Variants in KARS1 observed in about 807,000 individuals in gnomAD.
The protein encoded by KARS1 is lysine--tRNA ligase.
In KARS1, 50 loss-of-function variants were observed where a neutral mutation model predicts 63.9. That is an observed-to-expected ratio of 0.78 (90% confidence interval 0.62 to 0.99). The LOEUF (loss-of-function observed/expected upper bound fraction) is 0.99. KARS1 is among the 50% of genes least tolerant of loss of function. The pLI, the probability that KARS1 is intolerant of heterozygous loss-of-function variation, is 0.00. For synonymous variants in KARS1, 320 were observed against 264.6 expected (o/e 1.21, Z -2.03); for missense variants, 816 against 754.5 (o/e 1.08, Z -0.95).
chr16:75,638,801 G>C (rs909757450), intron 3 of KARS1, among the ~76,000 whole-genome samples: 2 of 152,126 alleles, frequency 1.3e-5, no homozygotes, highest in African/African-American at 4.8e-5. Context: ...AAAGAATCAA[G>C]ATGATCCAGT....
At chr16:75,634,136 C>T in intron 7 of KARS1, 37 bp downstream of exon 7, 1 of 1,609,476 alleles carries the variant, frequency 6.2e-7, no homozygotes, top group Non-Finnish European at 8.5e-7. Context: ...CAGCTTTCTG[C>T]TTCTTTAAGG....
Position 75,631,235 on chromosome 16 carries a change from T to C in KARS1, c.1271A>G (p.Asp424Gly), listed in dbSNP as rs746198033. The change falls in exon 10 of 14, where the codon GAT becomes GGT. Residue 424 changes from aspartate to glycine, a missense_variant. Physicochemically the swap from Asp to Gly is moderately conservative, Grantham distance 94. Transcript: ENST00000302445. ...FETEETRKIL[D>G]DICVAKAVEC... is the part of the protein sequence containing the mutation. Reference sequence around the variant, plus strand: ...AACAGCTTTTGCCACACAGATATCATCAAGAATTTTGCGAGTTTCTGGGAC... The same window carrying C: ...AACAGCTTTTGCCACACAGATATCACCAAGAATTTTGCGAGTTTCTGGGAC... 1 of 1,613,920 alleles carries C rather than the reference T, an allele frequency of 6.2e-7. No homozygotes were observed. The highest frequency in any genetic ancestry group is 1.7e-5 in the Admixed American group (1 of 59,988).
chr16:75,631,137 G>C, intron 10 of KARS1, 31 bp downstream of exon 10: 1 of 1,562,550 alleles, frequency 6.4e-7, no homozygotes, highest in East Asian at 2.2e-5. Flanking sequence ...CACCAGATGA[G>C]GACATGTACA....
chr16:75,628,877 G>A (rs577610722), intron 12 of KARS1, 165 bp from the exon 13 acceptor site: 65 of 750,156 alleles, frequency 8.7e-5, no homozygotes, highest in South Asian at 5.0e-4. Flanking sequence ...AGATGCAGCC[G>A]TTTCTTTCAA....
At position 75,644,208 on chromosome 16, in the gene KARS1, G is replaced by A. The variant is rs937549902; in HGVS notation, c.63-2485C>T. On this transcript the variant is annotated intron_variant, in intron 1 of 13. Transcript: ENST00000302445. ...CAACAAGTCCAAAGACTTAGCCAGA[G>A]GCTTAACGGAAAATGAACCAAGTAA... 18 of 1,375,842 alleles carry A rather than the reference G, an allele frequency of 1.3e-5. No homozygotes were observed. The African/African-American group carries it at 1.7e-4, about 13-fold the overall frequency. The allele number at this position is 1,375,842 out of a possible 1,614,324, so 85.2% of individuals were successfully genotyped here.
intron 3 of KARS1, among the ~76,000 whole-genome samples, chr16:75,638,933 C>T (rs563529078): frequency 5.9e-5 from 9 of 152,112 alleles, no homozygotes; most frequent in Non-Finnish European, 1.2e-4. Context: ...TTTGGAAGGC[C>T]GTGGCAGGTG....
intron 10 of KARS1, 30 bp downstream of exon 10, chr16:75,631,138 G>C: frequency 3.8e-6 from 6 of 1,567,890 alleles, no homozygotes; most frequent in Non-Finnish European, 5.3e-6. Flanking sequence ...ACCAGATGAG[G>C]ACATGTACAA....
chr16:75,631,027 G>C (rs916574254), intron 10 of KARS1, 141 bp downstream of exon 10: 43 of 710,018 alleles, frequency 6.1e-5, no homozygotes, highest in Non-Finnish European at 8.4e-5. Context: ...TTAAAAGTCT[G>C]TTAATTCTCT....
intron 1 of KARS1, chr16:75,644,308 C>A: frequency 1.9e-6 from 3 of 1,605,086 alleles, no homozygotes; most frequent in South Asian, 1.1e-5. Context: ...AATGACTTGT[C>A]CTTGTGAGGC....
At chr16:75,644,850 TA>T (rs1157111577) in intron 1 of KARS1, among the ~76,000 whole-genome samples, 15 of 152,082 alleles carry the variant, frequency 9.9e-5, no homozygotes, top group African/African-American at 3.4e-4. Context: ...GCATATAAAA[TA>T]AGAGGAAACT....
At position 75,631,226 on chromosome 16, in the gene KARS1, C is replaced by A; in HGVS notation, c.1280G>T (p.Cys427Phe). 6.2e-7 allele frequency: 1 copy of A among 1,614,108 alleles called. No individual in the cohort carries two copies. Among genetic ancestry groups the A allele is most frequent in the Non-Finnish European group, 8.5e-7 (1 of 1,180,000 alleles). Residue 427 changes from cysteine (C) to phenylalanine (F), a missense_variant, in exon 10 of 14, where the codon TGT becomes TTT. Coordinates refer to ENST00000302445, the MANE Select transcript of KARS1 (RefSeq NM_005548.3). ...EETRKILDDICVAKAVECPPP... is the reference protein window; with the variant it reads ...EETRKILDDIFVAKAVECPPP... ...AGGGCATTCAACAGCTTTTGCCACA[C>A]AGATATCATCAAGAATTTTGCGAGT...
At chr16:75,630,539 C>T (rs1208787890) in intron 10 of KARS1, 31 bp from the exon 11 acceptor site, 4 of 1,399,842 alleles carry the variant, frequency 2.9e-6, no homozygotes, top group Non-Finnish European at 4.1e-6. Flanking sequence ...GAGTCAGTCA[C>T]CATTTCTGAA....
At chr16:75,641,106 T>A (rs1374701162) in intron 2 of KARS1, among the ~76,000 whole-genome samples, 1 of 151,688 alleles carries the variant, frequency 6.6e-6, no homozygotes, top group Non-Finnish European at 1.5e-5. Flanking sequence ...GAGGCGGAGG[T>A]TGCAGTGAGA....
intron 12 of KARS1, 25 bp from the exon 13 acceptor site, chr16:75,628,737 G>T (rs1333032732): frequency 1.2e-6 from 2 of 1,613,772 alleles, no homozygotes; most frequent in African/African-American, 1.3e-5. Flanking sequence ...AGAACCAAAA[G>T]GTGACCTTCT....
In KARS1 at chr16:75,627,856, CAA is replaced by C; in HGVS notation, c.*37_*38del. ...CAGACCTTGATCTTTCGCAGAAATG[CAA>C]AGACGCCTGAGTTATACAACTTGCA... On this transcript the variant is annotated 3_prime_UTR_variant, in exon 14 of 14. Transcript: ENST00000302445. 3 of 1,169,190 alleles carry C rather than the reference CAA, an allele frequency of 2.6e-6. No individual in the cohort carries two copies. Among genetic ancestry groups the C allele is most frequent in the Non-Finnish European group, 3.9e-6 (3 of 774,318 alleles). 72.4% of individuals were successfully genotyped at this position (1,169,190 alleles called of 1,614,324 possible). A position where few individuals can be genotyped will look rare whatever the true frequency, so the allele number is the denominator to read the frequency against.
At chr16:75,642,755 T>C (rs1243540521) in intron 1 of KARS1, 2 of 152,188 alleles carry the variant, frequency 1.3e-5, no homozygotes, top group African/African-American at 4.8e-5. Flanking sequence ...TAATATACCA[T>C]CTTTGTAGTC....
intron 3 of KARS1, among the ~76,000 whole-genome samples, chr16:75,639,436 G>A (rs987996754): frequency 3.9e-5 from 6 of 152,082 alleles, no homozygotes; most frequent in Non-Finnish European, 1.5e-5. Flanking sequence ...GCCGGGCGTG[G>A]TGGCAGGTGC....
At chr16:75,630,393 T>C (rs371492804) in intron 11 of KARS1, 30 bp downstream of exon 11, 2 of 1,358,296 alleles carry the variant, frequency 1.5e-6, no homozygotes, top group Non-Finnish European at 2.1e-6. Flanking sequence ...TTTGGGGCTG[T>C]TATGCAGCAA....
At position 75,636,028 on chromosome 16, in the gene KARS1, G is replaced by C; in HGVS notation, c.553C>G (p.Gln185Glu). ...KLRRGDIIGVQGNPGKTKKGE... is the reference protein window; with the variant it reads ...KLRRGDIIGVEGNPGKTKKGE... Reference sequence around the variant, plus strand: ...TTCTTGGTTTTACCAGGATTCCCCTGAACTCCAATTATGTCTCCCCGACGC... The same window carrying C: ...TTCTTGGTTTTACCAGGATTCCCCTCAACTCCAATTATGTCTCCCCGACGC... The change falls in exon 5 of 14, where the codon CAG (glutamine) becomes GAG (glutamate). Residue 185 changes from glutamine (Q) to glutamate (E), a missense_variant. Coordinates refer to ENST00000302445, the MANE Select transcript of KARS1 (RefSeq NM_005548.3). 3.1e-6 allele frequency: 5 copies of C among 1,611,600 alleles called. No individual in the cohort carries two copies. Among genetic ancestry groups the C allele is most frequent in the Non-Finnish European group, 4.2e-6 (5 of 1,177,722 alleles).
Sources: allele counts gnomAD v4.1 joint callset (sites outside exome capture counted in the v4.1 genomes callset), GRCh38; gene constraint gnomAD v4.1.1; transcripts MANE v1.5; gene names NCBI Gene and HGNC (gene_info 2026-07-23, HGNC 2026-07-21).